The following UNC13C variants were observed in gnomAD, a reference collection of about 807,000 sequenced individuals.
UNC13C encodes unc-13 homolog C.
Under a neutral mutation model 245.4 loss-of-function variants are expected in UNC13C, and 174 were observed. The ratio of observed to expected loss-of-function variants is 0.71; its 90% confidence interval spans 0.63 to 0.80. The LOEUF is 0.80. Ranked by LOEUF, UNC13C falls within the 30% of genes least tolerant of loss-of-function variation. UNC13C has a pLI of 0.00. For missense variants in UNC13C, 2,829 were observed against 2,602.9 expected, an observed-to-expected ratio of 1.09 and a Z score of -1.89; for synonymous variants, 992 against 895.1, an observed-to-expected ratio of 1.11 and a Z score of -1.93.
intron 10 of UNC13C, among the ~76,000 whole-genome samples, chr15:54,288,985 G>A (rs953317688): frequency 4.6e-5 from 7 of 151,946 alleles, no homozygotes; most frequent in Admixed American, 1.3e-4. Flanking sequence ...ATTTTGACTC[G>A]AAGACCTCTT....
chr15:54,093,902 T>C (rs1328908871), intron 2 of UNC13C, among the ~76,000 whole-genome samples: 2 of 152,222 alleles, frequency 1.3e-5, no homozygotes, highest in East Asian at 3.9e-4. Flanking sequence ...ATTAAAAATC[T>C]GAATTACTTC....
chr15:54,002,010 G>A (rs1197506398), intron 1 of UNC13C, among the ~76,000 whole-genome samples: 2 of 152,244 alleles, frequency 1.3e-5, no homozygotes, highest in Non-Finnish European at 2.9e-5. Context: ...AAATCAGCCA[G>A]GCGTGGTGGC....
chr15:53,876,648 T>C, the UNC13C span, among the ~76,000 whole-genome samples: 1 of 152,212 alleles, frequency 6.6e-6, no homozygotes, highest in Admixed American at 6.5e-5. Context: ...TTTACTACTT[T>C]TTTTTGAAAA....
At chr15:54,252,105 C>T (rs893230226) in intron 8 of UNC13C, among the ~76,000 whole-genome samples, 1 of 152,010 alleles carries the variant, frequency 6.6e-6, no homozygotes, top group East Asian at 1.9e-4. Flanking sequence ...AAGTGAATTG[C>T]GTATAGGCAT....
chr15:54,252,275 C>G (rs1380650987), intron 8 of UNC13C, among the ~76,000 whole-genome samples: 1 of 152,074 alleles, frequency 6.6e-6, no homozygotes, highest in Non-Finnish European at 1.5e-5. Flanking sequence ...CAGATGCTAC[C>G]CATTCGTTAA....
chr15:54,254,045 C>T (rs56002016), intron 8 of UNC13C, among the ~76,000 whole-genome samples: 12,294 of 152,242 alleles, frequency 0.081, 581 homozygotes, highest in African/African-American at 0.13. Flanking sequence ...TTTAGTTCTA[C>T]GTGCTTTCTA....
At chr15:54,308,253 G>A (rs1391036646) in intron 13 of UNC13C, among the ~76,000 whole-genome samples, 3 of 151,806 alleles carry the variant, frequency 2.0e-5, no homozygotes, top group South Asian at 4.1e-4. Flanking sequence ...TAACCCAGAT[G>A]TGCTATTTGA....
At chr15:54,623,434 T>C (rs566946161) in intron 31 of UNC13C, among the ~76,000 whole-genome samples, 1 of 152,312 alleles carries the variant, frequency 6.6e-6, no homozygotes, top group African/African-American at 2.4e-5. Context: ...ATCCAAAATA[T>C]TGTCATTGAC....
intron 30 of UNC13C, among the ~76,000 whole-genome samples, chr15:54,621,655 T>C (rs1419128941): frequency 2.0e-5 from 3 of 152,192 alleles, no homozygotes; most frequent in Admixed American, 6.5e-5. Flanking sequence ...GTTGGTGTTA[T>C]CCTCATTTCA....
chr15:54,350,841 TA>T (rs2038966104), intron 17 of UNC13C, among the ~76,000 whole-genome samples: 1 of 152,226 alleles, frequency 6.6e-6, no homozygotes. Context: ...TTTCATTCTT[TA>T]AAGATGGTTT....
At chr15:54,574,238 G>A (rs894393592) in intron 30 of UNC13C, among the ~76,000 whole-genome samples, 3 of 152,018 alleles carry the variant, frequency 2.0e-5, no homozygotes, top group Admixed American at 6.6e-5. Flanking sequence ...ATATATGTTG[G>A]AATTACGACA....
chr15:54,511,815 C>A lies in UNC13C; in HGVS notation c.5442C>A (p.Ser1814=). ...TCCAGCTGGAAAAAATGTTTGAATC[C>A]ATGGGAGGGAAGGAGGTGGGTATCT... The part of the protein sequence containing the change: ...LRVQLEKMFE[S]MGGKELDSEA... The change falls in exon 24 of 33, where the codon TCC becomes TCA. Residue 1814 remains serine, a synonymous_variant. Coordinates refer to ENST00000260323, the MANE Select transcript of UNC13C (RefSeq NM_001080534.3). 1 of 1,608,272 alleles carries A rather than the reference C, an allele frequency of 6.2e-7. No homozygotes were observed. Among genetic ancestry groups the A allele is most frequent in the South Asian group, 1.1e-5 (1 of 90,020 alleles).
At chr15:54,344,925 A>C (rs1276250389) in intron 17 of UNC13C, among the ~76,000 whole-genome samples, 2 of 146,414 alleles carry the variant, frequency 1.4e-5, no homozygotes, top group African/African-American at 2.5e-5. Context: ...CCATCATCTT[A>C]TGTCTGTTCT....
intron 7 of UNC13C, among the ~76,000 whole-genome samples, chr15:54,238,949 G>A (rs1360641021): frequency 6.6e-6 from 1 of 152,190 alleles, no homozygotes; most frequent in Non-Finnish European, 1.5e-5. Flanking sequence ...TTCAGGTGTA[G>A]TTTGGGTGAA....
At chr15:54,356,361 GTT>G (rs144612246) in intron 17 of UNC13C, among the ~76,000 whole-genome samples, 1 of 149,770 alleles carries the variant, frequency 6.7e-6, no homozygotes, top group Non-Finnish European at 1.5e-5. Context: ...CTCTAAAAGT[GTT>G]TTTTTTTTCC....
intron 1 of UNC13C, among the ~76,000 whole-genome samples, chr15:53,996,832 GTT>G (rs61341886): frequency 0.022 from 3,188 of 143,576 alleles, 122 homozygotes; most frequent in African/African-American, 0.076. Context: ...CTCCTGATGG[GTT>G]TTTTTTTTTC....
At chr15:54,064,325 T>G (rs17552517) in intron 2 of UNC13C, among the ~76,000 whole-genome samples, 30,383 of 152,140 alleles carry the variant, frequency 0.2, 3,186 homozygotes, top group Admixed American at 0.29. Flanking sequence ...ATGGTTGATT[T>G]GTTGCTAAAA....
chr15:54,610,060 G>T (rs534440742), intron 30 of UNC13C, among the ~76,000 whole-genome samples: 1 of 152,110 alleles, frequency 6.6e-6, no homozygotes, highest in African/African-American at 2.4e-5. Context: ...CGCAATTCAA[G>T]ATGAGATTTG....
chr15:54,181,825 T>C (rs1224468081), intron 4 of UNC13C, among the ~76,000 whole-genome samples: 1 of 151,984 alleles, frequency 6.6e-6, no homozygotes, highest in Non-Finnish European at 1.5e-5. Context: ...TTGATTTGGC[T>C]CTCAGCTTGA....
Sources: allele counts gnomAD v4.1 joint callset (sites outside exome capture counted in the v4.1 genomes callset), GRCh38; gene constraint gnomAD v4.1.1; transcripts MANE v1.5; gene names NCBI Gene and HGNC (gene_info 2026-07-23, HGNC 2026-07-21).